The following GLIS3 variants were observed in gnomAD, a reference collection of about 807,000 sequenced individuals.
The protein encoded by GLIS3 is zinc finger protein GLIS3.
GLIS3 carries 53 observed loss-of-function variants against 78.6 expected under a neutral mutation model. That is an observed-to-expected ratio of 0.67 (90% CI 0.54 to 0.85). The LOEUF (loss-of-function observed/expected upper bound fraction) is 0.85, where lower values mean the gene tolerates loss of function less well. Ranked by LOEUF, GLIS3 falls within the 40% of genes least tolerant of loss-of-function variation. GLIS3 has a pLI of 0.00. For missense variants in GLIS3, 1,703 were observed against 1,231.1 expected (o/e 1.38, Z -5.74); for synonymous variants, 684 against 509.9 (o/e 1.34, Z -4.60).
intron 4 of GLIS3, among the ~76,000 whole-genome samples, chr9:4,097,895 C>G (rs1830085255): frequency 6.6e-6 from 1 of 152,176 alleles, no homozygotes; most frequent in Non-Finnish European, 1.5e-5. Context: ...AGTCTGAATT[C>G]TAACATATTT....
chr9:4,438,717 T>G, the GLIS3 span, among the ~76,000 whole-genome samples: 1 of 152,178 alleles, frequency 6.6e-6, no homozygotes, highest in Non-Finnish European at 1.5e-5. Flanking sequence ...TGAATAAGTC[T>G]CACAAGATCT....
chr9:3,867,558 T>C (rs1820668836), intron 8 of GLIS3, among the ~76,000 whole-genome samples: 1 of 152,194 alleles, frequency 6.6e-6, no homozygotes, highest in South Asian at 2.1e-4. Flanking sequence ...TTTCCATAGA[T>C]TTAAAGAAAA....
chr9:4,144,009 G>C (rs917150198), intron 2 of GLIS3, among the ~76,000 whole-genome samples: 3 of 152,168 alleles, frequency 2.0e-5, no homozygotes, highest in African/African-American at 7.2e-5. Flanking sequence ...ACCTTAGTAT[G>C]GAAAGATTTT....
At chr9:4,148,526 A>G (rs1259709783) in intron 2 of GLIS3, among the ~76,000 whole-genome samples, 2 of 151,998 alleles carry the variant, frequency 1.3e-5, no homozygotes, top group African/African-American at 4.8e-5. Context: ...TGTGCTGTGG[A>G]TCAATTCTAC....
chr9:4,295,960 G>T (rs950668209), intron 1 of GLIS3, among the ~76,000 whole-genome samples: 2 of 151,952 alleles, frequency 1.3e-5, no homozygotes, highest in Non-Finnish European at 2.9e-5. Context: ...TTTCCTATGT[G>T]CCTTTTTTCC....
At chr9:3,898,909 G>A in intron 6 of GLIS3, 74 bp from the exon 7 acceptor site, 7 of 1,600,080 alleles carry the variant, frequency 4.4e-6, no homozygotes, top group Non-Finnish European at 6.0e-6. Flanking sequence ...AAGGCATCAT[G>A]CTCTATCAGT....
intron 2 of GLIS3, among the ~76,000 whole-genome samples, chr9:4,130,525 A>G (rs761563757): frequency 6.6e-6 from 1 of 152,216 alleles, no homozygotes; most frequent in Non-Finnish European, 1.5e-5. Flanking sequence ...TCTTGGCTCA[A>G]AGGGGCCCAG....
the GLIS3 span, among the ~76,000 whole-genome samples, chr9:4,473,317 G>A: frequency 6.6e-6 from 1 of 151,896 alleles, no homozygotes; most frequent in Non-Finnish European, 1.5e-5. Flanking sequence ...ATGATGGTGG[G>A]CGCCTGGAAT....
chr9:4,370,657 A>T, the GLIS3 span, among the ~76,000 whole-genome samples: 1 of 151,750 alleles, frequency 6.6e-6, no homozygotes, highest in Non-Finnish European at 1.5e-5. Flanking sequence ...TATATTTAAT[A>T]TGTATTTAAT....
chr9:4,199,641 C>G (rs774276372), intron 2 of GLIS3, among the ~76,000 whole-genome samples: 2 of 151,398 alleles, frequency 1.3e-5, no homozygotes, highest in Non-Finnish European at 2.9e-5. Flanking sequence ...AACATTGGAG[C>G]ACTCATACTC....
At chr9:3,940,642 G>A (rs1033764220) in intron 4 of GLIS3, among the ~76,000 whole-genome samples, 2 of 152,078 alleles carry the variant, frequency 1.3e-5, no homozygotes, top group Admixed American at 6.5e-5. Flanking sequence ...CAAGAGAAAC[G>A]TGAACCAACA....
chr9:4,425,462 G>C, the GLIS3 span, among the ~76,000 whole-genome samples: 1 of 152,194 alleles, frequency 6.6e-6, no homozygotes, highest in African/African-American at 2.4e-5. Flanking sequence ...ATTGGGAATG[G>C]CAGGGCCTGC....
intron 2 of GLIS3, among the ~76,000 whole-genome samples, chr9:4,328,916 G>A (rs1391470688): frequency 1.3e-5 from 2 of 152,200 alleles, no homozygotes; most frequent in Non-Finnish European, 2.9e-5. Context: ...AAGATGGCAG[G>A]CTGACAGAGT....
At chr9:4,453,084 G>C in the GLIS3 span, among the ~76,000 whole-genome samples, 3 of 152,032 alleles carry the variant, frequency 2.0e-5, no homozygotes, top group African/African-American at 7.2e-5. Flanking sequence ...TCTTTATCAT[G>C]GTGCTAGGAA....
intron 2 of GLIS3, among the ~76,000 whole-genome samples, chr9:4,273,590 CATAAATAAATAAATAAATAAATAA>C (rs60374376): frequency 0.015 from 2,138 of 144,084 alleles, 23 homozygotes; most frequent in Middle Eastern, 0.031. Context: ...AAGACCTTAT[CATAAATAAATAAATAAATAAATAA>C]ATAAATAAAT....
the GLIS3 span, among the ~76,000 whole-genome samples, chr9:4,366,446 T>G: frequency 6.6e-6 from 1 of 152,114 alleles, no homozygotes; most frequent in Admixed American, 6.5e-5. Context: ...GCCAAATAAT[T>G]GGCTTGACTA....
intron 8 of GLIS3, among the ~76,000 whole-genome samples, chr9:3,862,336 C>A (rs1820265361): frequency 6.6e-6 from 1 of 152,120 alleles, no homozygotes; most frequent in Non-Finnish European, 1.5e-5. Flanking sequence ...CAACATACTA[C>A]CTTTAAGAAA....
the GLIS3 span, among the ~76,000 whole-genome samples, chr9:4,419,350 T>C: frequency 1.2e-4 from 19 of 152,278 alleles, no homozygotes; most frequent in East Asian, 3.5e-3. Context: ...AGAGGTTTAA[T>C]TGGCTCACCG....
intron 2 of GLIS3, among the ~76,000 whole-genome samples, chr9:4,343,769 A>G (rs980076102): frequency 1.6e-4 from 25 of 152,222 alleles, no homozygotes; most frequent in African/African-American, 6.0e-4. Flanking sequence ...TTGCAGCAAC[A>G]TGGATGCAGC....
Sources: allele counts gnomAD v4.1 joint callset (sites outside exome capture counted in the v4.1 genomes callset), GRCh38; gene constraint gnomAD v4.1.1; transcripts MANE v1.5; gene names NCBI Gene and HGNC (gene_info 2026-07-23, HGNC 2026-07-21).